The following SV2C variants were observed in gnomAD, a reference collection of about 807,000 sequenced individuals.
The protein encoded by SV2C is synaptic vesicle glycoprotein 2C, also known as solute carrier family 22 member B3.
Under a neutral mutation model 79.7 loss-of-function variants are expected in SV2C, and 49 were observed. The observed-to-expected ratio is 0.61, with a 90% CI of 0.49 to 0.78. The LOEUF (loss-of-function observed/expected upper bound fraction) is 0.78, where lower values mean the gene tolerates loss of function less well. Ranked by LOEUF, SV2C falls within the 30% of genes least tolerant of loss-of-function variation. SV2C has a pLI of 0.00. For synonymous variants in SV2C, 334 were observed against 333.2 expected (o/e 1.00, Z -0.03); for missense variants, 833 against 912.9 (o/e 0.91, Z 1.13).
intron 1 of SV2C, among the ~76,000 whole-genome samples, chr5:76,114,170 A>G (rs73130243): frequency 0.11 from 16,540 of 152,068 alleles, 2,830 homozygotes; most frequent in African/African-American, 0.36. Flanking sequence ...ACCGGTGGAG[A>G]TGTTCAGTAA....
chr5:76,045,379 T>G, the SV2C span, among the ~76,000 whole-genome samples: 2 of 152,206 alleles, frequency 1.3e-5, no homozygotes, highest in African/African-American at 4.8e-5. Context: ...TTGCTTAGGA[T>G]TGTCTTGGCT....
the SV2C span, among the ~76,000 whole-genome samples, chr5:75,982,818 A>G: frequency 2.0e-5 from 3 of 152,208 alleles, no homozygotes; most frequent in Non-Finnish European, 2.9e-5. Flanking sequence ...TTGCAGGGAC[A>G]TGGATGGTGC....
chr5:76,329,326 A>G lies in SV2C; in HGVS notation c.*3779A>G, dbSNP rs1749104853. On this transcript the variant is annotated 3_prime_UTR_variant, in exon 13 of 13. Transcript: ENST00000502798. ...AAACGCGCTTAGGTTAGAAGACTATAATTGCAATATTACCCTACAGCTCTC... is the reference window on the plus strand; with the variant it reads ...AAACGCGCTTAGGTTAGAAGACTATGATTGCAATATTACCCTACAGCTCTC... The G allele has an allele frequency of 6.6e-6, 1 of 152,136 alleles. No homozygotes were observed. Among genetic ancestry groups the G allele is most frequent in the African/African-American group, 2.4e-5 (1 of 41,418 alleles). 9.4% of individuals were successfully genotyped at this position (152,136 alleles called of 1,614,324 possible).
At chr5:75,849,856 T>C in the SV2C span, among the ~76,000 whole-genome samples, 2 of 152,258 alleles carry the variant, frequency 1.3e-5, no homozygotes, top group Admixed American at 1.3e-4. Context: ...TCTCAAACGA[T>C]ATTGGGTTTA....
chr5:76,033,734 C>G, the SV2C span, among the ~76,000 whole-genome samples: 1 of 152,106 alleles, frequency 6.6e-6, no homozygotes, highest in Non-Finnish European at 1.5e-5. Flanking sequence ...AATGAGGGCT[C>G]TTTTTTGGTT....
chr5:76,135,284 C>T (rs1749028566), intron 2 of SV2C, among the ~76,000 whole-genome samples: 1 of 152,178 alleles, frequency 6.6e-6, no homozygotes, highest in Non-Finnish European at 1.5e-5. Flanking sequence ...TCCTTGGGGA[C>T]AATCAAAGAG....
At chr5:76,180,640 C>A (rs1580334907) in intron 2 of SV2C, among the ~76,000 whole-genome samples, 1 of 152,176 alleles carries the variant, frequency 6.6e-6, no homozygotes, top group Admixed American at 6.5e-5. Flanking sequence ...CCTCTCACTG[C>A]CCCCTCTGCT....
the SV2C span, among the ~76,000 whole-genome samples, chr5:76,004,340 A>C: frequency 6.6e-6 from 1 of 152,256 alleles, no homozygotes; most frequent in East Asian, 1.9e-4. Flanking sequence ...CACACTGGCT[A>C]TGGATGTGTT....
the SV2C span, among the ~76,000 whole-genome samples, chr5:75,972,840 G>A: frequency 6.6e-6 from 1 of 152,122 alleles, no homozygotes; most frequent in Non-Finnish European, 1.5e-5. Context: ...AACACCCAAA[G>A]GATTATAAAT....
intron 1 of SV2C, among the ~76,000 whole-genome samples, chr5:76,117,395 T>C (rs773663776): frequency 6.6e-6 from 1 of 152,226 alleles, no homozygotes; most frequent in Non-Finnish European, 1.5e-5. Flanking sequence ...CTAAATAAGA[T>C]GACTCACTTC....
intron 3 of SV2C, among the ~76,000 whole-genome samples, chr5:76,203,488 C>T (rs1285772571): frequency 6.6e-6 from 1 of 152,092 alleles, no homozygotes; most frequent in African/African-American, 2.4e-5. Flanking sequence ...TATGGGAAGG[C>T]ATTCTTCCAA....
chr5:76,102,473 A>G (rs1325477902), intron 1 of SV2C, among the ~76,000 whole-genome samples: 1 of 152,082 alleles, frequency 6.6e-6, no homozygotes, highest in East Asian at 1.9e-4. Context: ...CAATTACTCT[A>G]TGTTGTGAAT....
the SV2C span, among the ~76,000 whole-genome samples, chr5:75,933,961 C>G: frequency 2.6e-5 from 4 of 152,198 alleles, no homozygotes; most frequent in Non-Finnish European, 4.4e-5. Context: ...AGATTCAACC[C>G]AATGAAATTT....
At chr5:75,953,475 G>A in the SV2C span, among the ~76,000 whole-genome samples, 25 of 152,046 alleles carry the variant, frequency 1.6e-4, no homozygotes, top group Admixed American at 3.9e-4. Flanking sequence ...CTCACCATAC[G>A]TAGTAGATGT....
chr5:76,169,220 A>G (rs575187163), intron 2 of SV2C, among the ~76,000 whole-genome samples: 2 of 152,354 alleles, frequency 1.3e-5, no homozygotes, highest in South Asian at 4.1e-4. Flanking sequence ...CAGGATGGTC[A>G]GCAGTTGGTG....
intron 4 of SV2C, among the ~76,000 whole-genome samples, chr5:76,250,465 T>C (rs1746080193): frequency 6.6e-6 from 1 of 152,210 alleles, no homozygotes; most frequent in Non-Finnish European, 1.5e-5. Context: ...TGAATAAGCG[T>C]TCTGTGGAAA....
At position 76,173,542 on chromosome 5, in the gene SV2C, T is replaced by G. The variant is rs568580045; in HGVS notation, c.581-21377T>G. On this transcript the variant is annotated intron_variant, in intron 2 of 12. Coordinates refer to ENST00000502798, the MANE Select transcript of SV2C (RefSeq NM_014979.4). ...CAGGAAAGTCCATTTAAGATGTTGG[T>G]AGGTTTAACAAAGTTGGAATGCTGG... is the stretch of plus-strand genomic sequence containing the variant. 1.7e-5 allele frequency: 22 copies of G among 1,314,242 alleles called. No individual in the cohort carries two copies. The Admixed American group carries it at 3.7e-4, about 22-fold the overall frequency. 81.4% of individuals were successfully genotyped at this position (1,314,242 alleles called of 1,614,324 possible). A position where few individuals can be genotyped will look rare whatever the true frequency, so the allele number is the denominator to read the frequency against.
chr5:76,115,610 G>A lies in SV2C; in HGVS notation c.-101-16040G>A, dbSNP rs79305426. Reference sequence around the variant, plus strand: ...ATGCCATGCTCATTATAAGGTGATCGTAGTCAGAATAAAAAGGATAACAAA... The same window carrying A: ...ATGCCATGCTCATTATAAGGTGATCATAGTCAGAATAAAAAGGATAACAAA... On this transcript the variant is annotated intron_variant, in intron 1 of 12. Transcript: ENST00000502798. Among the ~76,000 whole-genome samples the A allele has an allele frequency of 8.3e-3, 1,266 of 152,214 alleles. 15 individuals carry two copies. The highest frequency in any genetic ancestry group is 0.023 in the African/African-American group (951 of 41,514).
the SV2C span, among the ~76,000 whole-genome samples, chr5:75,998,993 G>A: frequency 6.6e-6 from 1 of 152,072 alleles, no homozygotes; most frequent in Non-Finnish European, 1.5e-5. Flanking sequence ...ACTTGGCTGG[G>A]GAAGCCTCAC....
Sources: allele counts gnomAD v4.1 joint callset (sites outside exome capture counted in the v4.1 genomes callset), GRCh38; gene constraint gnomAD v4.1.1; transcripts MANE v1.5; gene names NCBI Gene and HGNC (gene_info 2026-07-23, HGNC 2026-07-21).